Variants in SLITRK2 observed in about 807,000 individuals in gnomAD.
SLITRK2 encodes SLIT and NTRK like family member 2.
In SLITRK2, 13 loss-of-function variants were observed where a neutral mutation model predicts 35.4. The ratio of observed to expected loss-of-function variants is 0.37; its 90% CI spans 0.24 to 0.58. SLITRK2 has a LOEUF of 0.58. SLITRK2 is among the 20% of genes least tolerant of loss of function. SLITRK2 has a pLI of 0.75. For synonymous variants in SLITRK2, 294 were observed against 264.7 expected, an observed-to-expected ratio of 1.11 and a Z score of -1.07; for missense variants, 471 against 634.3, an observed-to-expected ratio of 0.74 and a Z score of 2.76.
chrX:145,822,478 A>G lies in SLITRK2; in HGVS notation c.53A>G (p.Gln18Arg). 2 of 1,211,089 alleles carry G rather than the reference A, an allele frequency of 1.7e-6. No individual in the cohort carries two copies. Among genetic ancestry groups the G allele is most frequent in the Non-Finnish European group, 2.2e-6 (2 of 895,095 alleles). Residue 18 changes from glutamine to arginine, a missense_variant, in exon 5 of 5, where the codon CAG becomes CGG. This residue lies in a region of SLITRK2 where 98 missense variants were observed against 120.6 expected (regional missense o/e 0.81). Coordinates refer to ENST00000335565, the MANE Select transcript of SLITRK2 (RefSeq NM_032539.5). ...GTGTTAACCGTGGCCGGGATCTTAC[A>G]GACAGAGAGTCGCAAAACTGCCAAA... is the stretch of plus-strand genomic sequence containing the variant. ...LSVLTVAGIL[Q>R]TESRKTAKDI...
Position 145,824,506 on chromosome X carries a change from A to C in SLITRK2, c.2081A>C (p.Gln694Pro). 8.3e-7 allele frequency: 1 copy of C among 1,211,438 alleles called. No homozygotes were observed. The highest frequency in any genetic ancestry group is 1.1e-6 in the Non-Finnish European group (1 of 895,385). The change falls in exon 5 of 5, where the codon CAG (glutamine) becomes CCG (proline). Residue 694 changes from glutamine to proline, a missense_variant. Coordinates refer to ENST00000335565, the MANE Select transcript of SLITRK2 (RefSeq NM_032539.5). ...VYNYIPPPVG[Q>P]MCQNPIYMQK... is the part of the protein sequence containing the mutation. The stretch of plus-strand genomic sequence containing the variant: ...AACTATATCCCCCCACCTGTGGGTC[A>C]GATGTGCCAAAACCCCATCTACATG...
intron 4 of SLITRK2, 83 bp from the exon 5 acceptor site, chrX:145,822,300 G>A (rs2073034557): frequency 1.1e-5 from 6 of 530,558 alleles, no homozygotes; most frequent in South Asian, 3.2e-5. Flanking sequence ...CTCCCACTCC[G>A]CCTCCTTGCT....
At position 145,827,807 on chromosome X, in the gene SLITRK2, G is replaced by A; in HGVS notation, c.*2844G>A. The A allele has an allele frequency of 8.3e-7, 1 of 1,211,284 alleles. No individual in the cohort carries two copies. The highest frequency in any genetic ancestry group is 1.1e-6 in the Non-Finnish European group (1 of 895,352). ...ATCCCCACTGACTATATTCTGTTTTGCTTTATCTGCTCAAGCACTTTCGAC... is the reference window on the plus strand; with the variant it reads ...ATCCCCACTGACTATATTCTGTTTTACTTTATCTGCTCAAGCACTTTCGAC... On this transcript the variant is annotated 3_prime_UTR_variant, in exon 5 of 5. Coordinates refer to ENST00000335565, the MANE Select transcript of SLITRK2 (RefSeq NM_032539.5).
intron 1 of SLITRK2, chrX:145,819,844 T>C (rs1473062735): frequency 1.8e-5 from 2 of 110,990 alleles, no homozygotes; most frequent in East Asian, 5.7e-4. Context: ...AATTAGAGGG[T>C]AAGGGGGCTT....
chrX:145,828,818 C>G lies in SLITRK2; in HGVS notation c.*3855C>G. 1 of 123,950 alleles carries G rather than the reference C, an allele frequency of 8.1e-6. No individual in the cohort carries two copies. 10.2% of individuals were successfully genotyped at this position (123,950 alleles called of 1,213,427 possible). ...ACACAGCTAAAAAGGAAAAAAAACA[C>G]CAAAATAAGATAAAATAAAACAAAT... On this transcript the variant is annotated 3_prime_UTR_variant, in exon 5 of 5. Transcript: ENST00000335565.
intron 4 of SLITRK2, 95 bp downstream of exon 4, chrX:145,822,248 G>T: frequency 2.3e-6 from 1 of 432,957 alleles, no homozygotes; most frequent in Non-Finnish European, 4.0e-6. Flanking sequence ...AAAATGCAAT[G>T]ATTTCATTCT....
Position 145,824,103 on chromosome X carries a change from T to C in SLITRK2, c.1678T>C (p.Ser560Pro). Reference sequence around the variant, plus strand: ...CATCATTAATGAGGTGACTTGCGAATCTCCTGCTAAGCATGCAGGGGAGAT... The same window carrying C: ...CATCATTAATGAGGTGACTTGCGAACCTCCTGCTAAGCATGCAGGGGAGAT... Reference protein sequence around the residue: ...PVIINEVTCESPAKHAGEILK... With the variant: ...PVIINEVTCEPPAKHAGEILK... The change falls in exon 5 of 5, where the codon TCT (serine) becomes CCT (proline). Residue 560 changes from serine (S) to proline (P), a missense_variant. By Grantham distance (74) the Ser-to-Pro change is moderately conservative. Coordinates refer to ENST00000335565, the MANE Select transcript of SLITRK2 (RefSeq NM_032539.5). 1 of 1,210,964 alleles carries C rather than the reference T, an allele frequency of 8.3e-7. No homozygotes were observed. The highest frequency in any genetic ancestry group is 1.1e-6 in the Non-Finnish European group (1 of 895,282).
Position 145,822,509 on chromosome X carries a change from T to C in SLITRK2, c.84T>C (p.Ile28=), listed in dbSNP as rs2124148038. Residue 28 remains isoleucine, a synonymous_variant, in exon 5 of 5, where the codon ATT becomes ATC. Transcript: ENST00000335565. ...AGAGTCGCAAAACTGCCAAAGACAT[T>C]TGCAAGATCCGCTGTCTGTGCGAAG... ...QTESRKTAKD[I]CKIRCLCEEK... 8.3e-7 allele frequency: 1 copy of C among 1,211,241 alleles called. No individual in the cohort carries two copies. Among genetic ancestry groups the C allele is most frequent in the Middle Eastern group, 2.3e-4 (1 of 4,352 alleles).
chrX:145,823,300 C>T lies in SLITRK2; in HGVS notation c.875C>T (p.Ala292Val), dbSNP rs782243703. 1 of 1,211,714 alleles carries T rather than the reference C, an allele frequency of 8.3e-7. No individual in the cohort carries two copies. ...VQRLSPTMNPALNPTRAPKAS... is the reference protein window; with the variant it reads ...VQRLSPTMNPVLNPTRAPKAS... ...AGGCTGTCACCTACAATGAATCCTGCTCTCAACCCAACCAGGGCTCCGAAA... is the reference window on the plus strand; with the variant it reads ...AGGCTGTCACCTACAATGAATCCTGTTCTCAACCCAACCAGGGCTCCGAAA... The change falls in exon 5 of 5, where the codon GCT becomes GTT. Residue 292 changes from alanine to valine, a missense_variant. Around this residue, in one of 7 missense-constraint regions of SLITRK2, gnomAD observed 56 missense variants for 48.7 expected, o/e 1.15. Coordinates refer to ENST00000335565, the MANE Select transcript of SLITRK2 (RefSeq NM_032539.5).
chrX:145,817,920 T>C lies in SLITRK2; in HGVS notation c.-899T>C, dbSNP rs1260340982. The stretch of plus-strand genomic sequence containing the variant: ...GCCGCCCGCGCTCCCCGCGGTGCTC[T>C]CGCTCCTGGGCTGCGCCAGTCCGAG... On this transcript the variant is annotated 5_prime_UTR_variant, in exon 1 of 5. Transcript: ENST00000335565. 1.8e-5 allele frequency: 2 copies of C among 109,685 alleles called. No homozygotes were observed. The highest frequency in any genetic ancestry group is 3.8e-5 in the Non-Finnish European group (2 of 52,477). The allele number at this position is 109,685 out of a possible 1,213,427, so 9.0% of individuals were successfully genotyped here.
At position 145,824,836 on chromosome X, in the gene SLITRK2, A is replaced by G. The variant is rs369952590; in HGVS notation, c.2411A>G (p.Tyr804Cys). ...GACAGAATCAATAAAACCGTTTTATATGGAACTCCCAGGAAATGCTTTGTG... is the reference window on the plus strand; with the variant it reads ...GACAGAATCAATAAAACCGTTTTATGTGGAACTCCCAGGAAATGCTTTGTG... ...NQDRINKTVL[Y>C]GTPRKCFVGQ... The change falls in exon 5 of 5, where the codon TAT (tyrosine) becomes TGT (cysteine). Residue 804 changes from tyrosine (Y) to cysteine (C), a missense_variant. Around this residue, in one of 7 missense-constraint regions of SLITRK2, gnomAD observed 190 missense variants for 199.3 expected, o/e 0.95. Transcript: ENST00000335565. 25 of 1,211,846 alleles carry G rather than the reference A, an allele frequency of 2.1e-5. No individual in the cohort carries two copies. The highest frequency in any genetic ancestry group is 2.7e-5 in the Non-Finnish European group (24 of 895,607).
Position 145,823,547 on chromosome X carries a change from G to C in SLITRK2, c.1122G>C (p.Pro374=), listed in dbSNP as rs781947736. Residue 374 remains proline (P), a synonymous_variant, in exon 5 of 5, where the codon CCG becomes CCC. Transcript: ENST00000335565. Reference sequence around the variant, plus strand: ...ATATCTCTGACCTGCAGCCCAAACCGACCAGTCCAAAGAAACTCTACCTAA... The same window carrying C: ...ATATCTCTGACCTGCAGCCCAAACCCACCAGTCCAAAGAAACTCTACCTAA... ...FTNISDLQPK[P]TSPKKLYLTG... 91 of 1,209,597 alleles carry C rather than the reference G, an allele frequency of 7.5e-5. No homozygotes were observed. Among genetic ancestry groups the C allele is most frequent in the Non-Finnish European group, 1.0e-4 (90 of 894,899 alleles).
Position 145,822,367 on chromosome X carries a change from C to G in SLITRK2, c.-43-16C>G. 2.8e-6 allele frequency: 3 copies of G among 1,058,175 alleles called. No individual in the cohort carries two copies. Among genetic ancestry groups the G allele is most frequent in the Non-Finnish European group, 3.8e-6 (3 of 781,698 alleles). The allele number at this position is 1,058,175 out of a possible 1,213,427, so 87.2% of individuals were successfully genotyped here. On this transcript the variant is annotated splice_polypyrimidine_tract_variant and intron_variant, in intron 4 of 4. Transcript: ENST00000335565. The stretch of plus-strand genomic sequence containing the variant: ...TTCTTCCCTGCACCCGCTTCTTCCC[C>G]CTGCCCCCACCTAAGGTTTGCCTGT...
In SLITRK2 at chrX:145,825,007, C is replaced by T. The variant is rs201259528; in HGVS notation, c.*44C>T. On this transcript the variant is annotated 3_prime_UTR_variant, in exon 5 of 5. Coordinates refer to ENST00000335565, the MANE Select transcript of SLITRK2 (RefSeq NM_032539.5). ...CCTAAGGCATCAGAGGATGCTGCTC[C>T]GAACTGTTGGAAACAAGGACATTAG... 18 of 1,151,671 alleles carry T rather than the reference C, an allele frequency of 1.6e-5. No homozygotes were observed. In the Admixed American group the frequency reaches 1.9e-4, roughly 12 times the overall value. 94.9% of individuals were successfully genotyped at this position (1,151,671 alleles called of 1,213,427 possible). A position where few individuals can be genotyped will look rare whatever the true frequency, so the allele number is the denominator to read the frequency against.
rs2073016731 is a variant in SLITRK2 at position 145,821,498 on chromosome X, T to C, written c.-579T>C. On this transcript the variant is annotated 5_prime_UTR_variant, in exon 3 of 5. Transcript: ENST00000335565. ...CCCCTCCCCCGTGACGTCACCCTAGTCCTGTCCCGGGGAGCCTGCAAAGCC... is the reference window on the plus strand; with the variant it reads ...CCCCTCCCCCGTGACGTCACCCTAGCCCTGTCCCGGGGAGCCTGCAAAGCC... 1 of 112,056 alleles carries C rather than the reference T, an allele frequency of 8.9e-6. No individual in the cohort carries two copies. The highest frequency in any genetic ancestry group is 1.9e-5 in the Non-Finnish European group (1 of 52,983). 9.2% of individuals were successfully genotyped at this position (112,056 alleles called of 1,213,427 possible).
chrX:145,822,968 C>T lies in SLITRK2; in HGVS notation c.543C>T (p.Val181=), dbSNP rs782321837. 2.5e-6 allele frequency: 3 copies of T among 1,211,451 alleles called. No individual in the cohort carries two copies. The highest frequency in any genetic ancestry group is 1.8e-5 in the South Asian group (1 of 56,948). Residue 181 remains valine, a synonymous_variant, in exon 5 of 5, where the codon GTC becomes GTT. Coordinates refer to ENST00000335565, the MANE Select transcript of SLITRK2 (RefSeq NM_032539.5). ...TGCCCAGCAATGTGTTCCGCTTTGT[C>T]CTGCTGACCCACTTAGACCTCAGGG... ...LSLPSNVFRF[V]LLTHLDLRGN...
At chrX:145,819,594 T>C in intron 1 of SLITRK2, 1 of 112,573 alleles carries the variant, frequency 8.9e-6, no homozygotes, top group South Asian at 3.6e-4. Flanking sequence ...CTAGGAACTA[T>C]GTGCTTTTAA....
In SLITRK2 at chrX:145,827,998, C is replaced by A; in HGVS notation, c.*3035C>A. The A allele has an allele frequency of 8.6e-7, 1 of 1,167,818 alleles. No individual in the cohort carries two copies. Among genetic ancestry groups the A allele is most frequent in the Admixed American group, 2.7e-5 (1 of 36,982 alleles). ...CCCTGCCAAGAACATATCTGTATGT[C>A]TGGCCCTACAAATGACAAATGGTAA... On this transcript the variant is annotated 3_prime_UTR_variant, in exon 5 of 5. Transcript: ENST00000335565.
Position 145,824,361 on chromosome X carries a change from C to T in SLITRK2, c.1936C>T (p.Arg646Cys). ...GAGLFVFVLK[R>C]RKGVPSVPRN... is the part of the protein sequence containing the mutation. ...TGGTTTATTCGTCTTTGTCTTGAAACGCCGAAAGGGAGTGCCGAGCGTTCC... is the reference window on the plus strand; with the variant it reads ...TGGTTTATTCGTCTTTGTCTTGAAATGCCGAAAGGGAGTGCCGAGCGTTCC... The change falls in exon 5 of 5, where the codon CGC becomes TGC. Residue 646 changes from arginine (R) to cysteine (C), a missense_variant. Arg to Cys is a radical substitution (Grantham distance 180, BLOSUM62 -3). Transcript: ENST00000335565. 4.1e-6 allele frequency: 5 copies of T among 1,211,087 alleles called. No homozygotes were observed. Among genetic ancestry groups the T allele is most frequent in the Non-Finnish European group, 5.6e-6 (5 of 895,364 alleles).
Sources: allele counts gnomAD v4.1 joint callset, GRCh38; gene constraint gnomAD v4.1.1; regional missense constraint gnomAD v4.1.1; transcripts MANE v1.5; gene names NCBI Gene and HGNC (gene_info 2026-07-23, HGNC 2026-07-21).